The following B3GALT1 variants were observed in gnomAD, a reference collection of about 807,000 sequenced individuals.
The protein encoded by B3GALT1 is UDP-Gal:betaGlcNAc beta 1,3-galactosyltransferase, polypeptide 1.
A neutral mutation model predicts 23.2 loss-of-function variants in B3GALT1; 10 were observed. The observed-to-expected ratio is 0.43, with a 90% CI of 0.27 to 0.73. The LOEUF is 0.73. B3GALT1 is among the 30% of genes least tolerant of loss of function. B3GALT1 has a pLI of 0.21. For synonymous variants in B3GALT1, 156 were observed against 141.5 expected, an observed-to-expected ratio of 1.10 and a Z score of -0.73; for missense variants, 299 against 405.4, an observed-to-expected ratio of 0.74 and a Z score of 2.25.
chr2:167,507,893 A>G (rs1331969749), intron 2 of B3GALT1, among the ~76,000 whole-genome samples: 1 of 152,236 alleles, frequency 6.6e-6, no homozygotes, highest in Non-Finnish European at 1.5e-5. Context: ...GCTATAGACT[A>G]GGTGGCTTAT....
At chr2:167,754,686 C>T (rs1445602004) in intron 3 of B3GALT1, among the ~76,000 whole-genome samples, 1 of 152,142 alleles carries the variant, frequency 6.6e-6, no homozygotes, top group Non-Finnish European at 1.5e-5. Context: ...ATCAAGTCCA[C>T]ATCTTACAAG....
intron 3 of B3GALT1, among the ~76,000 whole-genome samples, chr2:167,766,910 C>G (rs1687986359): frequency 1.3e-5 from 2 of 152,170 alleles, no homozygotes; most frequent in South Asian, 4.1e-4. Context: ...GACCTTTTTA[C>G]CCTTGACCAG....
chr2:167,633,617 A>G (rs972434485), intron 2 of B3GALT1, among the ~76,000 whole-genome samples: 1 of 152,098 alleles, frequency 6.6e-6, no homozygotes. Flanking sequence ...AAAGGGATCA[A>G]TTCAACAAGA....
At chr2:167,814,144 TTTTC>T (rs1473166396) in intron 3 of B3GALT1, among the ~76,000 whole-genome samples, 3 of 152,254 alleles carry the variant, frequency 2.0e-5, no homozygotes, top group African/African-American at 2.4e-5. Context: ...TGGGTTTCTT[TTTTC>T]TTTCTAAGTA....
rs73972235 is a variant in B3GALT1, at chr2:167,316,974, G to A, written c.-511+23640G>A. ...GATAAACTGGTTTTGTTTTGTTTGT[G>A]TGTGTGTTTAACAATTTCGAGTTTC... On this transcript the variant is annotated intron_variant, in intron 1 of 4. Transcript: ENST00000392690. 4.4e-3 allele frequency among the ~76,000 whole-genome samples: 677 copies of A among 152,202 alleles called. 6 individuals carry two copies. Among genetic ancestry groups the A allele is most frequent in the African/African-American group, 0.015 (623 of 41,568 alleles).
Position 167,563,230 on chromosome 2 carries a change from G to T in B3GALT1, c.-410+72953G>T, listed in dbSNP as rs1029560860. ...CTCACCTCCCAGCAGGTGCAGCCGG[G>T]CAGAGGCGCCCCCCACCTCCCAGAC... is the stretch of plus-strand genomic sequence containing the variant. On this transcript the variant is annotated intron_variant, in intron 2 of 4. Coordinates refer to ENST00000392690, the MANE Select transcript of B3GALT1 (RefSeq NM_020981.4). 1.2e-4 allele frequency among the ~76,000 whole-genome samples: 17 copies of T among 147,562 alleles called. 1 individual carries two copies. Among genetic ancestry groups the T allele is most frequent in the African/African-American group, 4.2e-4 (16 of 38,078 alleles).
intron 2 of B3GALT1, among the ~76,000 whole-genome samples, chr2:167,645,687 C>G (rs933715806): frequency 6.6e-6 from 1 of 150,390 alleles, no homozygotes; most frequent in Non-Finnish European, 1.5e-5. Context: ...CCTGCCTCAA[C>G]CTCCTGAGTA....
intron 3 of B3GALT1, among the ~76,000 whole-genome samples, chr2:167,697,363 C>T (rs934292389): frequency 4.6e-5 from 7 of 152,160 alleles, no homozygotes; most frequent in African/African-American, 1.7e-4. Flanking sequence ...ATCAAAGCTC[C>T]ACACCTGGGC....
chr2:167,708,057 A>G (rs1170985334), intron 3 of B3GALT1, among the ~76,000 whole-genome samples: 1 of 152,164 alleles, frequency 6.6e-6, no homozygotes, highest in Non-Finnish European at 1.5e-5. Context: ...TTACACTCCC[A>G]TGCCTCCTAA....
intron 1 of B3GALT1, among the ~76,000 whole-genome samples, chr2:167,308,562 TGTAGTCA>T (rs1696584241): frequency 6.6e-6 from 1 of 152,082 alleles, no homozygotes; most frequent in South Asian, 2.1e-4. Flanking sequence ...ATTCCTTCTA[TGTAGTCA>T]GTTGAAAAAT....
intron 2 of B3GALT1, among the ~76,000 whole-genome samples, chr2:167,550,492 T>C (rs1683726585): frequency 6.6e-6 from 1 of 152,200 alleles, no homozygotes; most frequent in South Asian, 2.1e-4. Context: ...ACTGGGAAGG[T>C]AGAAATTGCA....
chr2:167,744,579 T>C (rs1007915411), intron 3 of B3GALT1, among the ~76,000 whole-genome samples: 1 of 152,260 alleles, frequency 6.6e-6, no homozygotes, highest in East Asian at 1.9e-4. Flanking sequence ...TGTTTTCTTA[T>C]AGGCCTATCT....
intron 3 of B3GALT1, among the ~76,000 whole-genome samples, chr2:167,675,218 A>T (rs1686402729): frequency 6.6e-6 from 1 of 152,226 alleles, no homozygotes; most frequent in Non-Finnish European, 1.5e-5. Flanking sequence ...CAAGAAATGA[A>T]CTGGGTTCCC....
intron 2 of B3GALT1, among the ~76,000 whole-genome samples, chr2:167,626,084 G>GAA (rs542515969): frequency 2.7e-5 from 4 of 149,846 alleles, no homozygotes; most frequent in Non-Finnish European, 5.9e-5. Context: ...AAAGGGTTAG[G>GAA]AAAAAGAAAA....
At chr2:167,732,091 T>C (rs377763319) in intron 3 of B3GALT1, among the ~76,000 whole-genome samples, 13 of 152,348 alleles carry the variant, frequency 8.5e-5, no homozygotes, top group African/African-American at 2.4e-4. Flanking sequence ...AGAAGTACTC[T>C]AAGCTCAATG....
At chr2:167,660,250 T>G (rs1686033297) in intron 3 of B3GALT1, among the ~76,000 whole-genome samples, 1 of 152,100 alleles carries the variant, frequency 6.6e-6, no homozygotes, top group South Asian at 2.1e-4. Context: ...TATAGGAAGT[T>G]GCCTCTAATT....
At chr2:167,389,678 C>T (rs976831225) in intron 1 of B3GALT1, among the ~76,000 whole-genome samples, 2 of 151,956 alleles carry the variant, frequency 1.3e-5, no homozygotes, top group African/African-American at 4.8e-5. Context: ...CCAGAGGACC[C>T]TAGTCAGAGG....
At chr2:167,399,735 T>C (rs1233325771) in intron 1 of B3GALT1, among the ~76,000 whole-genome samples, 3 of 152,116 alleles carry the variant, frequency 2.0e-5, no homozygotes, top group Non-Finnish European at 4.4e-5. Context: ...TAGTTTGTTT[T>C]CTGGGCATGC....
chr2:167,539,260 A>T (rs938255234), intron 2 of B3GALT1, among the ~76,000 whole-genome samples: 4 of 137,648 alleles, frequency 2.9e-5, no homozygotes, highest in Admixed American at 1.4e-4. Flanking sequence ...TTTTCTATTT[A>T]AAAAAAAAAA....
Sources: allele counts gnomAD v4.1 joint callset (sites outside exome capture counted in the v4.1 genomes callset), GRCh38; gene constraint gnomAD v4.1.1; transcripts MANE v1.5; gene names NCBI Gene and HGNC (gene_info 2026-07-23, HGNC 2026-07-21).